The following EFCC1 variants were observed in gnomAD, a reference collection of about 807,000 sequenced individuals.
The protein encoded by EFCC1 is EF-hand and coiled-coil domain containing 1.
A neutral mutation model predicts 52.1 loss-of-function variants in EFCC1; 50 were observed. The observed-to-expected ratio is 0.96, with a 90% CI of 0.76 to 1.21. The LOEUF (loss-of-function observed/expected upper bound fraction) is 1.21, where lower values mean the gene tolerates loss of function less well. Ranked by LOEUF, EFCC1 falls within the 50% of genes most tolerant of loss-of-function variation. EFCC1 has a pLI of 0.00. For synonymous variants in EFCC1, 399 were observed against 396.5 expected, an observed-to-expected ratio of 1.01 and a Z score of -0.08; for missense variants, 837 against 867.3, an observed-to-expected ratio of 0.97 and a Z score of 0.44.
At chr3:129,016,717 C>G (rs987996967) in intron 2 of EFCC1, among the ~76,000 whole-genome samples, 1 of 152,088 alleles carries the variant, frequency 6.6e-6, no homozygotes. Context: ...AACCCTGACT[C>G]GTACAGGGCC....
intron 2 of EFCC1, among the ~76,000 whole-genome samples, chr3:129,007,612 G>A (rs1945130514): frequency 6.6e-6 from 1 of 152,208 alleles, no homozygotes; most frequent in African/African-American, 2.4e-5. Flanking sequence ...TCTAAGGTTG[G>A]TATTATGTCG....
chr3:129,003,440 C>A, intron 1 of EFCC1: 1 of 290,270 alleles, frequency 3.4e-6, no homozygotes, highest in Non-Finnish European at 5.1e-6. Flanking sequence ...AGATGAGGAA[C>A]CGCCACCCGG....
chr3:129,022,833 C>T (rs1459870930), intron 2 of EFCC1, among the ~76,000 whole-genome samples: 3 of 152,210 alleles, frequency 2.0e-5, no homozygotes, highest in African/African-American at 7.2e-5. Context: ...AGAAGTGCGG[C>T]AGGCAGGGGT....
chr3:129,034,083 C>A, intron 4 of EFCC1, 81 bp from the exon 5 acceptor site: 2 of 1,559,000 alleles, frequency 1.3e-6, no homozygotes, highest in South Asian at 1.2e-5. Flanking sequence ...CAACTCCACA[C>A]CACCACCACC....
Position 129,032,425 on chromosome 3 carries a change from A to G in EFCC1, c.1139-394A>G, listed in dbSNP as rs551719828. Among the ~76,000 whole-genome samples the G allele has an allele frequency of 2.0e-5, 3 of 152,158 alleles. No homozygotes were observed. In the East Asian group the frequency reaches 5.8e-4, roughly 29 times the overall value. ...CACTTTGGGAGGCTGAGACAGGAGG[A>G]TCACTTGAGCCCAGGAGTTTGAGGC... is the stretch of plus-strand genomic sequence containing the variant. On this transcript the variant is annotated intron_variant, in intron 3 of 7. Coordinates refer to ENST00000683648, the MANE Select transcript of EFCC1 (RefSeq NM_001377500.1).
At chr3:129,005,155 C>T (rs1559956121) in intron 2 of EFCC1, among the ~76,000 whole-genome samples, 5 of 150,854 alleles carry the variant, frequency 3.3e-5, no homozygotes, top group South Asian at 4.1e-4. Context: ...GTGACTAGGA[C>T]AGACTGAATT....
Position 129,002,252 on chromosome 3 carries a change from C to A in EFCC1, c.624C>A (p.Ser208Arg), listed in dbSNP as rs1944819889. The A allele has an allele frequency of 6.5e-7, 1 of 1,531,346 alleles. No individual in the cohort carries two copies. The highest frequency in any genetic ancestry group is 8.7e-7 in the Non-Finnish European group (1 of 1,144,844). The allele number at this position is 1,531,346 out of a possible 1,614,324, so 94.9% of individuals were successfully genotyped here. A position where few individuals can be genotyped will look rare whatever the true frequency, so the allele number is the denominator to read the frequency against. Residue 208 changes from serine to arginine, a missense_variant, in exon 1 of 8, where the codon AGC becomes AGA. Ser to Arg is a moderately radical substitution (Grantham distance 110). Coordinates refer to ENST00000683648, the MANE Select transcript of EFCC1 (RefSeq NM_001377500.1). ...ERVARLEEEN[S>R]SLRELVEDLR... ...TTGCGCGGCTGGAGGAGGAGAATAG[C>A]AGCTTGCGCGAGTTGGTGGAGGACC...
At chr3:129,026,231 G>C (rs1559971015) in intron 2 of EFCC1, among the ~76,000 whole-genome samples, 1 of 152,232 alleles carries the variant, frequency 6.6e-6, no homozygotes, top group Admixed American at 6.5e-5. Context: ...CAAGTGCTAG[G>C]AGGTGGAGTG....
intron 2 of EFCC1, among the ~76,000 whole-genome samples, chr3:129,018,379 C>T (rs752543776): frequency 2.6e-5 from 4 of 152,046 alleles, no homozygotes; most frequent in Non-Finnish European, 5.9e-5. Context: ...TAGGAAAAAA[C>T]TAAAAAAGGG....
chr3:129,033,323 G>A (rs1048153251), intron 4 of EFCC1, among the ~76,000 whole-genome samples: 3 of 152,098 alleles, frequency 2.0e-5, no homozygotes, highest in African/African-American at 7.2e-5. Context: ...GCCTGGCCCC[G>A]GGCAGGTGCT....
chr3:129,004,314 C>T (rs1461855652), intron 2 of EFCC1, among the ~76,000 whole-genome samples: 1 of 151,850 alleles, frequency 6.6e-6, no homozygotes, highest in Non-Finnish European at 1.5e-5. Flanking sequence ...TCTGTCCATC[C>T]ATTCACCCAC....
chr3:129,014,530 G>T lies in EFCC1; in HGVS notation c.980+10453G>T, dbSNP rs1189310167. ...AAGGACACCAGTCAGACTGGATTAGGGCCCACCCTAAAGACCTCATTTTAA... is the reference window on the plus strand; with the variant it reads ...AAGGACACCAGTCAGACTGGATTAGTGCCCACCCTAAAGACCTCATTTTAA... On this transcript the variant is annotated intron_variant, in intron 2 of 7. Coordinates refer to ENST00000683648, the MANE Select transcript of EFCC1 (RefSeq NM_001377500.1). This position sits in a 1 kb window ranked among gnomAD's most constrained non-coding sequence, Gnocchi z 4.3. 6.6e-6 allele frequency among the ~76,000 whole-genome samples: 1 copy of T among 152,146 alleles called. No individual in the cohort carries two copies. Among genetic ancestry groups the T allele is most frequent in the Non-Finnish European group, 1.5e-5 (1 of 68,046 alleles).
chr3:129,015,802 C>T (rs541283902), intron 2 of EFCC1, among the ~76,000 whole-genome samples: 83 of 148,184 alleles, frequency 5.6e-4, no homozygotes, highest in African/African-American at 2.0e-3. Context: ...AGCTGTTCTT[C>T]CTGCTGTTGT....
chr3:129,021,825 T>C (rs532556898), intron 2 of EFCC1, among the ~76,000 whole-genome samples: 30 of 152,356 alleles, frequency 2.0e-4, no homozygotes, highest in South Asian at 4.1e-4. Flanking sequence ...TTGAAATGTA[T>C]ATCATAAAAC....
Position 129,003,775 on chromosome 3 carries a change from T to C in EFCC1, c.697-19T>C. The C allele has an allele frequency of 7.1e-7, 1 of 1,417,510 alleles. No homozygotes were observed. The highest frequency in any genetic ancestry group is 9.2e-7 in the Non-Finnish European group (1 of 1,089,230). 87.8% of individuals were successfully genotyped at this position (1,417,510 alleles called of 1,614,324 possible). A position where few individuals can be genotyped will look rare whatever the true frequency, so the allele number is the denominator to read the frequency against. On this transcript the variant is annotated intron_variant, in intron 1 of 7. Coordinates refer to ENST00000683648, the MANE Select transcript of EFCC1 (RefSeq NM_001377500.1). Reference sequence around the variant, plus strand: ...GGCTGGGGCACTTACCCCCTGCCCCTGCTGCCCTGTCCCCGCAGGTCGGAC... The same window carrying C: ...GGCTGGGGCACTTACCCCCTGCCCCCGCTGCCCTGTCCCCGCAGGTCGGAC...
intron 2 of EFCC1, among the ~76,000 whole-genome samples, chr3:129,024,134 C>T (rs1945992215): frequency 1.3e-5 from 2 of 152,174 alleles, no homozygotes; most frequent in South Asian, 4.1e-4. Flanking sequence ...AGAGAAACAC[C>T]ATAACACACC....
intron 5 of EFCC1, 117 bp from the exon 6 acceptor site, chr3:129,036,860 C>T: frequency 6.7e-7 from 1 of 1,496,678 alleles, no homozygotes; most frequent in Non-Finnish European, 9.1e-7. Flanking sequence ...CTTTAGGCCA[C>T]ACACTCAGCT....
intron 2 of EFCC1, among the ~76,000 whole-genome samples, chr3:129,013,113 TC>T: frequency 6.6e-6 from 1 of 152,122 alleles, no homozygotes; most frequent in African/African-American, 2.4e-5. Context: ...CTGGCCTAAG[TC>T]AGGGGTAGTA....
In EFCC1 at chr3:129,001,985, G is replaced by A. The variant is rs1219591945; in HGVS notation, c.357G>A (p.Thr119=). Residue 119 remains threonine (T), a synonymous_variant, in exon 1 of 8, where the codon ACG becomes ACA. Coordinates refer to ENST00000683648, the MANE Select transcript of EFCC1 (RefSeq NM_001377500.1). ...GGGATGCGGCCGCTGAGTTGGCCAC[G>A]GACGGGGACTCAGATACCGATGAAG... ...TPGDAAAELA[T]DGDSDTDEEA... The A allele has an allele frequency of 1.9e-6, 3 of 1,545,568 alleles. No individual in the cohort carries two copies. Among genetic ancestry groups the A allele is most frequent in the East Asian group, 2.5e-5 (1 of 40,582 alleles).
Sources: gnomAD v4.1 joint callset for allele counts (sites outside exome capture counted in the v4.1 genomes callset) on GRCh38, gnomAD v4.1.1 for gene constraint, Gnocchi (gnomAD v3.1) non-coding constraint, MANE v1.5 for transcripts, NCBI Gene and HGNC (gene_info 2026-07-23, HGNC 2026-07-21) for gene names.